Variants in CDC42BPA observed in about 807,000 individuals in gnomAD.
CDC42BPA encodes the protein serine/threonine-protein kinase MRCK alpha.
In CDC42BPA, 80 loss-of-function variants were observed where a neutral mutation model predicts 223.5. That is an observed-to-expected ratio of 0.36 (90% CI 0.30 to 0.43). The LOEUF is 0.43. CDC42BPA is among the 20% of genes least tolerant of loss of function. The pLI is 1.00. For missense variants in CDC42BPA, 1,743 were observed against 2,099.9 expected (o/e 0.83, Z 3.32); for synonymous variants, 694 against 718.6 (o/e 0.97, Z 0.55).
intron 2 of CDC42BPA, among the ~76,000 whole-genome samples, chr1:227,226,748 C>T (rs1572484515): frequency 6.6e-6 from 1 of 152,278 alleles, no homozygotes; most frequent in Middle Eastern, 3.4e-3. Flanking sequence ...GACTCATTTA[C>T]TTCCCTCCCA....
chr1:227,164,231 A>G (rs1664613542), intron 5 of CDC42BPA, among the ~76,000 whole-genome samples: 3 of 152,178 alleles, frequency 2.0e-5, no homozygotes, highest in Non-Finnish European at 1.5e-5. Context: ...TGAGCTTCCT[A>G]TCGGCAGAGC....
chr1:227,092,819 T>C (rs75213165), intron 15 of CDC42BPA, among the ~76,000 whole-genome samples: 8,201 of 152,280 alleles, frequency 0.054, 250 homozygotes, highest in Non-Finnish European at 0.072. Context: ...TTCTCTATTA[T>C]TGTGTATATA....
chr1:227,116,749 G>C (rs989374151), intron 12 of CDC42BPA, among the ~76,000 whole-genome samples: 1 of 152,142 alleles, frequency 6.6e-6, no homozygotes, highest in Non-Finnish European at 1.5e-5. Flanking sequence ...TGGGCTAAAT[G>C]AAAGTCTTAA....
Position 226,994,266 on chromosome 1 carries a change from GCTC to G in CDC42BPA, c.5264_*1del. The G allele has an allele frequency of 1.3e-6, 2 of 1,574,300 alleles. No individual in the cohort carries two copies. Among genetic ancestry groups the G allele is most frequent in the Non-Finnish European group, 1.7e-6 (2 of 1,157,928 alleles). Reference sequence around the variant, plus strand: ...AGCGAGAGGTCCCAGTGCTGAGGCAGCTCACGGGTCCCAGCTCCCGCGGTCAGT... The same window carrying G: ...AGCGAGAGGTCCCAGTGCTGAGGCAGACGGGTCCCAGCTCCCGCGGTCAGT... On this transcript the variant is annotated stop_lost and 3_prime_UTR_variant, in exon 37 of 37. Coordinates refer to ENST00000366766, the MANE Select transcript of CDC42BPA (RefSeq NM_001394014.1). The surrounding 1 kb of genome is among the most constrained non-coding windows in gnomAD (Gnocchi z 4.0).
chr1:227,312,663 G>A (rs1405782262), intron 1 of CDC42BPA, among the ~76,000 whole-genome samples: 5 of 152,162 alleles, frequency 3.3e-5, no homozygotes, highest in Middle Eastern at 6.8e-3. Context: ...GACCAGCCTA[G>A]GTAACACAGT....
intron 3 of CDC42BPA, among the ~76,000 whole-genome samples, chr1:227,209,395 T>C (rs984890158): frequency 6.3e-5 from 9 of 142,354 alleles, no homozygotes; most frequent in Admixed American, 5.7e-4. Context: ...AACACTATGT[T>C]GAATAGGAGT....
chr1:227,069,811 A>G lies in CDC42BPA; in HGVS notation c.2870T>C (p.Leu957Ser). The G allele has an allele frequency of 1.9e-6, 3 of 1,611,788 alleles. No homozygotes were observed. Among genetic ancestry groups the G allele is most frequent in the Non-Finnish European group, 2.5e-6 (3 of 1,178,270 alleles). The change falls in exon 21 of 37, where the codon TTG (leucine) becomes TCG (serine). Residue 957 changes from leucine to serine, a missense_variant. Physicochemically the swap from Leu to Ser is moderately radical, Grantham distance 145. Around this residue, in one of 6 missense-constraint regions of CDC42BPA, gnomAD observed 678 missense variants for 777.5 expected, o/e 0.87. Coordinates refer to ENST00000366766, the MANE Select transcript of CDC42BPA (RefSeq NM_001394014.1). ...QDSQHSFLAF[L>S]NTPTDALDQF... ...ATCCAGAGCATCGGTAGGCGTATTC[A>G]AAAATGCCAAGAAAGAATGCTGTGA...
intron 1 of CDC42BPA, among the ~76,000 whole-genome samples, chr1:227,274,645 C>G (rs1686616590): frequency 6.6e-6 from 1 of 152,084 alleles, no homozygotes; most frequent in Non-Finnish European, 1.5e-5. Flanking sequence ...TTTCACACCA[C>G]AGGAGAAAAA....
intron 2 of CDC42BPA, among the ~76,000 whole-genome samples, chr1:227,236,698 C>T (rs896061233): frequency 2.0e-5 from 3 of 152,064 alleles, no homozygotes; most frequent in Non-Finnish European, 2.9e-5. Context: ...CAGAACCCTG[C>T]CCCTACAGCC....
At position 227,091,933 on chromosome 1, in the gene CDC42BPA, C is replaced by T; in HGVS notation, c.2308G>A (p.Val770Met). The T allele has an allele frequency of 6.2e-7, 1 of 1,609,662 alleles. No homozygotes were observed. The highest frequency in any genetic ancestry group is 8.5e-7 in the Non-Finnish European group (1 of 1,178,380). The change falls in exon 16 of 37, where the codon GTG (valine) becomes ATG (methionine). Residue 770 changes from valine to methionine, a missense_variant. By Grantham distance (21) the Val-to-Met change is conservative. Coordinates refer to ENST00000366766, the MANE Select transcript of CDC42BPA (RefSeq NM_001394014.1). ...EFKQQYEREK[V>M]LLTEENKKLT... ...TTTTTATTTTCTTCAGTTAACAACA[C>T]TTTTTCTCGTTCATATTGTTGTTTG...
chr1:227,031,375 C>G lies in CDC42BPA; in HGVS notation c.3698G>C (p.Arg1233Pro). ...KILKKNKFRD[R>P]SVYVPKEAYD... ...AGCCTCTTTGGGAACATAGACTGAGCGGTCTCTGAATTTGTTTTTCTTCAA... is the reference window on the plus strand; with the variant it reads ...AGCCTCTTTGGGAACATAGACTGAGGGGTCTCTGAATTTGTTTTTCTTCAA... The change falls in exon 28 of 37, where the codon CGC becomes CCC. Residue 1233 changes from arginine (R) to proline (P), a missense_variant. By Grantham distance (103) the Arg-to-Pro change is moderately radical (BLOSUM62 -2). Transcript: ENST00000366766. 1 of 1,613,990 alleles carries G rather than the reference C, an allele frequency of 6.2e-7. No homozygotes were observed. The highest frequency in any genetic ancestry group is 8.5e-7 in the Non-Finnish European group (1 of 1,179,946).
At chr1:227,098,348 T>TTC (rs1239513915) in intron 15 of CDC42BPA, among the ~76,000 whole-genome samples, 1 of 152,146 alleles carries the variant, frequency 6.6e-6, no homozygotes, top group East Asian at 1.9e-4. Flanking sequence ...GTGATAAATA[T>TTC]TCTCAGGATT....
At chr1:227,189,252 C>A (rs1390200158) in intron 5 of CDC42BPA, among the ~76,000 whole-genome samples, 2 of 151,892 alleles carry the variant, frequency 1.3e-5, no homozygotes, top group Non-Finnish European at 2.9e-5. Context: ...ATTTAGCACA[C>A]ACAAAAGCTT....
chr1:227,002,133 A>AT (rs1662998331), intron 35 of CDC42BPA, among the ~76,000 whole-genome samples: 1 of 152,202 alleles, frequency 6.6e-6, no homozygotes, highest in African/African-American at 2.4e-5. Context: ...TGCTGGGAAT[A>AT]TAACATAATA....
In CDC42BPA at chr1:227,025,955, C is replaced by T. The variant is rs1668168680; in HGVS notation, c.4530+100G>A. The T allele has an allele frequency of 4.6e-6, 3 of 652,668 alleles. No homozygotes were observed. The South Asian group carries it at 5.7e-5, about 12-fold the overall frequency. 40.4% of individuals were successfully genotyped at this position (652,668 alleles called of 1,614,324 possible). On this transcript the variant is annotated intron_variant, in intron 31 of 36. Coordinates refer to ENST00000366766, the MANE Select transcript of CDC42BPA (RefSeq NM_001394014.1). ...AGTCCCAAACTGCCAATTACACATT[C>T]CAGAAAATGTTGAATTAATAAAAAA...
At chr1:227,120,984 A>T (rs28497500) in intron 11 of CDC42BPA, among the ~76,000 whole-genome samples, 1 of 152,162 alleles carries the variant, frequency 6.6e-6, no homozygotes, top group African/African-American at 2.4e-5. Context: ...AGTTCACAAT[A>T]GGGTTCACGG....
At chr1:227,228,169 C>T (rs570534532) in intron 2 of CDC42BPA, among the ~76,000 whole-genome samples, 1 of 152,322 alleles carries the variant, frequency 6.6e-6, no homozygotes, top group South Asian at 2.1e-4. Context: ...ACAGCTAATG[C>T]ATGTGGAGCT....
intron 32 of CDC42BPA, among the ~76,000 whole-genome samples, chr1:227,021,245 A>G (rs1172130797): frequency 6.6e-6 from 1 of 152,234 alleles, no homozygotes; most frequent in African/African-American, 2.4e-5. Flanking sequence ...GAGACTTACT[A>G]GAGGCAGGGT....
intron 15 of CDC42BPA, among the ~76,000 whole-genome samples, chr1:227,100,732 C>T (rs1264829066): frequency 2.7e-5 from 3 of 110,336 alleles, no homozygotes; most frequent in Non-Finnish European, 4.1e-5. Flanking sequence ...TGTGTGTCTG[C>T]CATCATACCC....
Sources: allele counts gnomAD v4.1 joint callset (sites outside exome capture counted in the v4.1 genomes callset), GRCh38; gene constraint gnomAD v4.1.1; regional missense constraint gnomAD v4.1.1; non-coding constraint Gnocchi (gnomAD v3.1); transcripts MANE v1.5; gene names NCBI Gene and HGNC (gene_info 2026-07-23, HGNC 2026-07-21).